Variants in FYB2 observed in about 807,000 individuals in gnomAD.
FYB2 encodes FYN binding protein 2.
A neutral mutation model predicts 94.1 loss-of-function variants in FYB2; 103 were observed. The ratio of observed to expected loss-of-function variants is 1.09; its 90% CI spans 0.93 to 1.29. The LOEUF (loss-of-function observed/expected upper bound fraction) is 1.29. Among genes scored for constraint, FYB2 ranks in the 50% most tolerant of loss-of-function variants. The pLI is 0.00. For synonymous variants in FYB2, 293 were observed against 287.9 expected (o/e 1.02, Z -0.18); for missense variants, 896 against 841.5 (o/e 1.06, Z -0.80).
chr1:56,792,528 C>A lies in FYB2; in HGVS notation c.285G>T (p.Gly95=), dbSNP rs1646295281. 1.2e-6 allele frequency: 2 copies of A among 1,614,148 alleles called. No individual in the cohort carries two copies. Among genetic ancestry groups the A allele is most frequent in the Middle Eastern group, 3.3e-4 (2 of 6,062 alleles). The change falls in exon 2 of 20, where the codon GGG becomes GGT. Residue 95 remains glycine, a synonymous_variant. Transcript: ENST00000343433. ...SEIPKCSNSP[G]PLGKSTVCSA... ...AACATACAGTAGACTTTCCCAGAGG[C>A]CCTGGGGAGTTAGAACATTTTGGAA...
chr1:56,782,799 C>T (rs775854215), intron 4 of FYB2, among the ~76,000 whole-genome samples: 3 of 152,186 alleles, frequency 2.0e-5, no homozygotes, highest in Non-Finnish European at 2.9e-5. Context: ...CATCTTCCTA[C>T]TCCCAAAATA....
chr1:56,818,761 G>A (rs1219615392), intron 1 of FYB2, among the ~76,000 whole-genome samples: 2 of 152,138 alleles, frequency 1.3e-5, no homozygotes, highest in Non-Finnish European at 2.9e-5. Flanking sequence ...GAGGGACCCA[G>A]GGCTCAGGAT....
At chr1:56,785,877 T>C (rs1390761329) in intron 4 of FYB2, among the ~76,000 whole-genome samples, 1 of 152,228 alleles carries the variant, frequency 6.6e-6, no homozygotes, top group African/African-American at 2.4e-5. Flanking sequence ...TCCCTGCTTT[T>C]TGCCATGAAA....
intron 15 of FYB2, among the ~76,000 whole-genome samples, chr1:56,734,679 G>A (rs1432932526): frequency 1.3e-5 from 2 of 152,018 alleles, no homozygotes; most frequent in African/African-American, 2.4e-5. Context: ...GAGGGGCTGG[G>A]GGAGGGATAG....
At chr1:56,811,804 T>C (rs2101084016) in intron 1 of FYB2, among the ~76,000 whole-genome samples, 1 of 152,310 alleles carries the variant, frequency 6.6e-6, no homozygotes, top group South Asian at 2.1e-4. Context: ...ACATACACTT[T>C]TGGATGATTT....
chr1:56,779,890 A>G (rs1284837991), intron 4 of FYB2, among the ~76,000 whole-genome samples: 1 of 152,178 alleles, frequency 6.6e-6, no homozygotes, highest in Non-Finnish European at 1.5e-5. Flanking sequence ...TTCTGAGTTC[A>G]TATCCCAAAT....
chr1:56,754,370 A>T (rs1187737755), intron 7 of FYB2, among the ~76,000 whole-genome samples: 1 of 151,956 alleles, frequency 6.6e-6, no homozygotes, highest in Non-Finnish European at 1.5e-5. Flanking sequence ...ACTGCTGGTA[A>T]ATACAATGCC....
rs766209461 is a variant in FYB2 at position 56,815,349 on chromosome 1, T to C, written c.9+3933A>G. Among the ~76,000 whole-genome samples the C allele has an allele frequency of 1.4e-4, 22 of 152,160 alleles. 1 individual carries two copies. The highest frequency in any genetic ancestry group is 2.5e-4 in the Non-Finnish European group (17 of 68,022). ...AACCCCACCCCTTGTCAAGCATCCA[T>C]ACTCAGTGCTTCCATCAAAGCTTGT... On this transcript the variant is annotated intron_variant, in intron 1 of 19. Transcript: ENST00000343433.
intron 1 of FYB2, among the ~76,000 whole-genome samples, chr1:56,805,531 C>G (rs923062721): frequency 2.0e-5 from 3 of 152,142 alleles, no homozygotes; most frequent in African/African-American, 4.8e-5. Flanking sequence ...AAGTCAGGAT[C>G]AGAGCTTTCT....
At chr1:56,750,463 G>A (rs1429167470) in intron 9 of FYB2, among the ~76,000 whole-genome samples, 1 of 151,900 alleles carries the variant, frequency 6.6e-6, no homozygotes, top group Non-Finnish European at 1.5e-5. Flanking sequence ...TTGTGTCCCT[G>A]GATCCAACCA....
At chr1:56,726,030 A>G (rs745923189) in intron 16 of FYB2, among the ~76,000 whole-genome samples, 48 of 152,184 alleles carry the variant, frequency 3.2e-4, no homozygotes, top group South Asian at 6.2e-4. Flanking sequence ...TGACTCAGTA[A>G]AACATTTTCT....
upstream of FYB2, chr1:56,824,187 C>T (rs1232681612): frequency 6.6e-6 from 1 of 152,182 alleles, no homozygotes; most frequent in Non-Finnish European, 1.5e-5. Flanking sequence ...AATACCTTAA[C>T]TGTGTAATTT....
chr1:56,785,225 C>A (rs989295286), intron 4 of FYB2, among the ~76,000 whole-genome samples: 5 of 152,158 alleles, frequency 3.3e-5, no homozygotes, highest in Admixed American at 1.3e-4. Flanking sequence ...GAGAAGAGGT[C>A]AGCTTAGATT....
chr1:56,743,345 A>T (rs1644997264), intron 11 of FYB2, among the ~76,000 whole-genome samples: 2 of 152,042 alleles, frequency 1.3e-5, no homozygotes, highest in Non-Finnish European at 2.9e-5. Context: ...ATTAATTAAA[A>T]AGTCACATAA....
intron 15 of FYB2, among the ~76,000 whole-genome samples, chr1:56,728,810 AT>A (rs1557584360): frequency 6.6e-6 from 1 of 152,060 alleles, no homozygotes; most frequent in Admixed American, 6.6e-5. Context: ...TTATAGACTT[AT>A]TTTTTCATTT....
In FYB2 at chr1:56,726,685, A is replaced by C. The variant is rs908502399; in HGVS notation, c.1794-102T>G. On this transcript the variant is annotated intron_variant, in intron 15 of 19. Coordinates refer to ENST00000343433, the MANE Select transcript of FYB2 (RefSeq NM_001004303.5). ...AATTATGTTTTACAAAAAATTAAAA[A>C]GTCATCTAGAAATATATTTTGATAA... 1.3e-5 allele frequency: 11 copies of C among 857,714 alleles called. No homozygotes were observed. In the African/African-American group the frequency reaches 1.6e-4, roughly 12 times the overall value. 53.1% of individuals were successfully genotyped at this position (857,714 alleles called of 1,614,324 possible).
intron 4 of FYB2, among the ~76,000 whole-genome samples, chr1:56,774,286 G>T (rs141900498): frequency 6.6e-6 from 1 of 152,108 alleles, no homozygotes. Flanking sequence ...TGGGTGGTTC[G>T]ACCTAAGTCT....
chr1:56,785,237 G>A (rs1646106805), intron 4 of FYB2, among the ~76,000 whole-genome samples: 1 of 152,266 alleles, frequency 6.6e-6, no homozygotes, highest in South Asian at 2.1e-4. Context: ...GCTTAGATTA[G>A]AACCAATCTG....
chr1:56,721,490 T>C (rs978732568), intron 17 of FYB2, among the ~76,000 whole-genome samples: 1 of 152,114 alleles, frequency 6.6e-6, no homozygotes, highest in Non-Finnish European at 1.5e-5. Context: ...GCTTCCTTAC[T>C]GGCTTTTTTA....
Sources: allele counts gnomAD v4.1 joint callset (sites outside exome capture counted in the v4.1 genomes callset), GRCh38; gene constraint gnomAD v4.1.1; transcripts MANE v1.5; gene names NCBI Gene and HGNC (gene_info 2026-07-23, HGNC 2026-07-21).